Variants in MYO1D observed in about 807,000 individuals in gnomAD.
MYO1D encodes unconventional myosin-Id.
Under a neutral mutation model 122.0 loss-of-function variants are expected in MYO1D, and 83 were observed. That is an observed-to-expected ratio of 0.68 (90% CI 0.57 to 0.82). The LOEUF (loss-of-function observed/expected upper bound fraction) is 0.82, where lower values mean the gene tolerates loss of function less well. MYO1D is among the 40% of genes least tolerant of loss of function. The probability of loss-of-function intolerance (pLI) is 0.00; values close to 1 mark genes in which losing one functional copy is unlikely to be tolerated. For synonymous variants in MYO1D, 464 were observed against 446.9 expected (o/e 1.04, Z -0.48); for missense variants, 1,157 against 1,269.5 (o/e 0.91, Z 1.35).
chr17:32,697,007 G>C (rs1020364573), intron 16 of MYO1D, among the ~76,000 whole-genome samples: 7 of 152,172 alleles, frequency 4.6e-5, no homozygotes, highest in Non-Finnish European at 7.4e-5. Flanking sequence ...GAATCTAACA[G>C]AGTTAATTAA....
chr17:32,683,231 A>G (rs947886326), intron 16 of MYO1D, among the ~76,000 whole-genome samples: 1 of 151,486 alleles, frequency 6.6e-6, no homozygotes, highest in Non-Finnish European at 1.5e-5. Flanking sequence ...GATCGTCTGA[A>G]GCCTTCTTCT....
chr17:32,708,352 G>C (rs2089334535), intron 16 of MYO1D, among the ~76,000 whole-genome samples: 1 of 152,072 alleles, frequency 6.6e-6, no homozygotes, highest in South Asian at 2.1e-4. Flanking sequence ...TGGGGTTTTA[G>C]GTGACTTTTT....
intron 1 of MYO1D, among the ~76,000 whole-genome samples, chr17:32,802,794 T>C (rs2090471573): frequency 6.6e-6 from 1 of 152,218 alleles, no homozygotes; most frequent in Non-Finnish European, 1.5e-5. Context: ...TATAATAATC[T>C]ATTTCTGTGA....
intron 1 of MYO1D, among the ~76,000 whole-genome samples, chr17:32,853,118 C>G (rs553636046): frequency 6.6e-6 from 1 of 152,190 alleles, no homozygotes; most frequent in South Asian, 2.1e-4. Context: ...TCTTTGTAAA[C>G]AGCACCATCG....
At chr17:32,715,096 T>C (rs531141275) in intron 15 of MYO1D, among the ~76,000 whole-genome samples, 1 of 152,052 alleles carries the variant, frequency 6.6e-6, no homozygotes, top group Non-Finnish European at 1.5e-5. Context: ...GAAATGCAAA[T>C]CAAAACCACA....
intron 21 of MYO1D, among the ~76,000 whole-genome samples, chr17:32,583,075 G>T (rs980468123): frequency 3.9e-5 from 6 of 151,900 alleles, no homozygotes; most frequent in African/African-American, 1.5e-4. Context: ...GAGTCTTCTG[G>T]GAATAAACTG....
At chr17:32,640,304 A>G (rs1375900338) in intron 19 of MYO1D, among the ~76,000 whole-genome samples, 2 of 152,198 alleles carry the variant, frequency 1.3e-5, no homozygotes, top group Non-Finnish European at 2.9e-5. Context: ...AAGAGCTTCT[A>G]TAGCAGCATT....
At chr17:32,716,714 T>C (rs2036624227) in intron 15 of MYO1D, among the ~76,000 whole-genome samples, 1 of 152,200 alleles carries the variant, frequency 6.6e-6, no homozygotes. Flanking sequence ...GTTGTTTGTT[T>C]CAGGCACGCT....
At chr17:32,823,909 T>C (rs2090697596) in intron 1 of MYO1D, among the ~76,000 whole-genome samples, 1 of 151,238 alleles carries the variant, frequency 6.6e-6, no homozygotes, top group African/African-American at 2.4e-5. Flanking sequence ...CTACTAAAAA[T>C]ATAAAAAATT....
Position 32,789,699 on chromosome 17 carries a change from C to T in MYO1D, c.96-8915G>A, listed in dbSNP as rs182317185. ...ACCAATAAAAGAGAAAAATGCCCCA[C>T]GAAGGGAGAGACAGGGAGAACACTG... On this transcript the variant is annotated intron_variant, in intron 1 of 21. Coordinates refer to ENST00000318217, the MANE Select transcript of MYO1D (RefSeq NM_015194.3). Among the ~76,000 whole-genome samples the T allele has an allele frequency of 4.1e-4, 63 of 152,152 alleles. 1 individual carries two copies. Among genetic ancestry groups the T allele is most frequent in the African/African-American group, 1.5e-3 (62 of 41,494 alleles).
chr17:32,578,801 T>C (rs1227865210), intron 21 of MYO1D, among the ~76,000 whole-genome samples: 1 of 152,184 alleles, frequency 6.6e-6, no homozygotes, highest in East Asian at 1.9e-4. Flanking sequence ...CCTCCTGCCT[T>C]TTGACCTCCC....
In MYO1D at chr17:32,605,174, T is replaced by C; in HGVS notation, c.2777A>G (p.Asp926Gly). 2 of 1,609,656 alleles carry C rather than the reference T, an allele frequency of 1.2e-6. No homozygotes were observed. The highest frequency in any genetic ancestry group is 1.7e-6 in the Non-Finnish European group (2 of 1,176,580). The change falls in exon 21 of 22, where the codon GAC (aspartate) becomes GGC (glycine). Residue 926 changes from aspartate (D) to glycine (G), a missense_variant. Physicochemically the swap from Asp to Gly is moderately conservative, Grantham distance 94. Transcript: ENST00000318217. Reference protein sequence around the residue: ...LVVFHTKDNKDLIVCLFSKQP... With the variant: ...LVVFHTKDNKGLIVCLFSKQP... ...TTTGCTGAAGAGGCAGACAATGAGGTCTTTGTTGTCTTTCGTATGGAACAC... is the reference window on the plus strand; with the variant it reads ...TTTGCTGAAGAGGCAGACAATGAGGCCTTTGTTGTCTTTCGTATGGAACAC...
At chr17:32,846,374 G>A (rs967327823) in intron 1 of MYO1D, among the ~76,000 whole-genome samples, 3 of 152,114 alleles carry the variant, frequency 2.0e-5, no homozygotes, top group African/African-American at 7.2e-5. Flanking sequence ...GCATAACAGA[G>A]TCCACAATAT....
chr17:32,801,006 AAT>A (rs1449321288), intron 1 of MYO1D, among the ~76,000 whole-genome samples: 1 of 152,208 alleles, frequency 6.6e-6, no homozygotes, highest in African/African-American at 2.4e-5. Context: ...GTACCCCATA[AAT>A]ATAATTATTT....
intron 21 of MYO1D, among the ~76,000 whole-genome samples, chr17:32,551,495 T>C (rs2010150384): frequency 3.3e-5 from 5 of 152,072 alleles, no homozygotes; most frequent in Admixed American, 2.6e-4. Flanking sequence ...CAAATATACA[T>C]TGGACACGTC....
intron 16 of MYO1D, among the ~76,000 whole-genome samples, chr17:32,694,707 CAAAAAAAAAAAA>C (rs58606294): frequency 8.9e-5 from 5 of 55,914 alleles, no homozygotes; most frequent in African/African-American, 1.5e-4. Context: ...GACTCCGTCT[CAAAAAAAAAAAA>C]AAAAAAAAAA....
chr17:32,747,545 G>C (rs1457663706), intron 12 of MYO1D, among the ~76,000 whole-genome samples: 1 of 151,996 alleles, frequency 6.6e-6, no homozygotes, highest in African/African-American at 2.4e-5. Flanking sequence ...CTTTAAAATA[G>C]AGGCAGAGCG....
intron 20 of MYO1D, among the ~76,000 whole-genome samples, chr17:32,636,762 C>A (rs1037772323): frequency 1.3e-5 from 2 of 152,208 alleles, no homozygotes; most frequent in Non-Finnish European, 1.5e-5. Flanking sequence ...AGTATTTATA[C>A]CCCACACTTA....
chr17:32,626,946 T>C (rs2150930253), intron 20 of MYO1D, among the ~76,000 whole-genome samples: 1 of 152,248 alleles, frequency 6.6e-6, no homozygotes, highest in East Asian at 1.9e-4. Flanking sequence ...GCCAAAGCCA[T>C]CAGAATAAGA....
Sources: allele counts gnomAD v4.1 joint callset (sites outside exome capture counted in the v4.1 genomes callset), GRCh38; gene constraint gnomAD v4.1.1; transcripts MANE v1.5; gene names NCBI Gene and HGNC (gene_info 2026-07-23, HGNC 2026-07-21).